The following ARHGEF28 variants were observed in gnomAD, a reference collection of about 807,000 sequenced individuals.
ARHGEF28 encodes Rho guanine nucleotide exchange factor 28, also known as 190 kDa guanine nucleotide exchange factor.
ARHGEF28 carries 152 observed loss-of-function variants against 206.6 expected under a neutral mutation model. That is an observed-to-expected ratio of 0.74 (90% CI 0.64 to 0.84). The LOEUF (loss-of-function observed/expected upper bound fraction) is 0.84. ARHGEF28 is among the 40% of genes least tolerant of loss of function. The pLI is 0.00. For synonymous variants in ARHGEF28, 763 were observed against 776.4 expected, an observed-to-expected ratio of 0.98 and a Z score of 0.29; for missense variants, 2,028 against 2,073.2, an observed-to-expected ratio of 0.98 and a Z score of 0.42.
At chr5:73,822,600 T>C (rs533880064) in intron 9 of ARHGEF28, among the ~76,000 whole-genome samples, 8 of 152,218 alleles carry the variant, frequency 5.3e-5, no homozygotes, top group Non-Finnish European at 7.4e-5. Context: ...GGCGAGGAGA[T>C]GAATGCTAGT....
chr5:73,753,259 C>T, intron 4 of ARHGEF28, 57 bp downstream of exon 4: 1 of 1,483,314 alleles, frequency 6.7e-7, no homozygotes, highest in Non-Finnish European at 9.0e-7. Flanking sequence ...TCAGAATGTA[C>T]CTTATGCTAT....
chr5:73,883,548 A>T (rs764709820), intron 23 of ARHGEF28, among the ~76,000 whole-genome samples: 11 of 152,222 alleles, frequency 7.2e-5, no homozygotes, highest in Non-Finnish European at 1.6e-4. Context: ...CAAATACATC[A>T]GTAACTTGAA....
intron 9 of ARHGEF28, among the ~76,000 whole-genome samples, chr5:73,814,171 T>C (rs1756033565): frequency 6.6e-6 from 1 of 152,198 alleles, no homozygotes; most frequent in Non-Finnish European, 1.5e-5. Flanking sequence ...TTATTGATTT[T>C]ATAGATGTTA....
intron 16 of ARHGEF28, among the ~76,000 whole-genome samples, chr5:73,861,005 T>C (rs1024989010): frequency 1.3e-5 from 2 of 152,260 alleles, no homozygotes; most frequent in African/African-American, 4.8e-5. Flanking sequence ...GTTTTTTACC[T>C]GCTCTTTGGA....
intron 9 of ARHGEF28, among the ~76,000 whole-genome samples, chr5:73,811,925 A>T (rs956220071): frequency 1.3e-4 from 19 of 150,948 alleles, no homozygotes; most frequent in Admixed American, 2.6e-4. Flanking sequence ...AGAGGTTGCA[A>T]TGAGCCGAGA....
chr5:73,929,697 T>C (rs1162678008), intron 35 of ARHGEF28, among the ~76,000 whole-genome samples: 2 of 152,212 alleles, frequency 1.3e-5, no homozygotes, highest in African/African-American at 4.8e-5. Flanking sequence ...TTTAGAGAAA[T>C]AAAATGTTAC....
intron 2 of ARHGEF28, among the ~76,000 whole-genome samples, chr5:73,725,321 G>A (rs757746366): frequency 5.9e-5 from 9 of 152,172 alleles, no homozygotes; most frequent in Non-Finnish European, 1.0e-4. Flanking sequence ...TCATATTTGC[G>A]TAGTCCTCTA....
intron 9 of ARHGEF28, among the ~76,000 whole-genome samples, chr5:73,805,408 A>G (rs1561416438): frequency 6.6e-6 from 1 of 152,164 alleles, no homozygotes; most frequent in Non-Finnish European, 1.5e-5. Flanking sequence ...TACCAAAGGG[A>G]ATTTTGGGTG....
At chr5:73,751,665 T>G (rs1752024086) in intron 3 of ARHGEF28, among the ~76,000 whole-genome samples, 1 of 152,148 alleles carries the variant, frequency 6.6e-6, no homozygotes, top group Non-Finnish European at 1.5e-5. Flanking sequence ...TCCTCCTTCC[T>G]TAGGAGGAAG....
intron 2 of ARHGEF28, among the ~76,000 whole-genome samples, chr5:73,744,320 T>C (rs1751604011): frequency 6.6e-6 from 1 of 152,072 alleles, no homozygotes; most frequent in Non-Finnish European, 1.5e-5. Context: ...ACTTGAGAAA[T>C]TGTGAAGAGG....
At position 73,846,399 on chromosome 5, in the gene ARHGEF28, T is replaced by C; in HGVS notation, c.1559T>C (p.Phe520Ser). The C allele has an allele frequency of 6.2e-7, 1 of 1,613,990 alleles. No individual in the cohort carries two copies. Among genetic ancestry groups the C allele is most frequent in the Non-Finnish European group, 8.5e-7 (1 of 1,179,860 alleles). ...GIPSGDELDS[F>S]ETNTEPDFNI... is the part of the protein sequence containing the mutation. ...CCTAGTGGGGATGAATTGGACTCTT[T>C]TGAGACTAACACTGAACCGGATTTT... The change falls in exon 12 of 36, where the codon TTT becomes TCT. Residue 520 changes from phenylalanine to serine, a missense_variant. Phe to Ser is a radical substitution (Grantham distance 155, BLOSUM62 -2). This residue lies in a region of ARHGEF28 where 1,002 missense variants were observed against 1,015.3 expected (regional missense o/e 0.99). Transcript: ENST00000513042.
At chr5:73,757,474 A>G (rs1752377905) in intron 4 of ARHGEF28, among the ~76,000 whole-genome samples, 1 of 152,214 alleles carries the variant, frequency 6.6e-6, no homozygotes. Flanking sequence ...CTGCTGTGAC[A>G]CATTACTGTA....
chr5:73,708,698 C>T (rs1219070390), intron 2 of ARHGEF28, among the ~76,000 whole-genome samples: 4 of 151,946 alleles, frequency 2.6e-5, no homozygotes, highest in African/African-American at 4.8e-5. Flanking sequence ...TTTGGTAGAC[C>T]AATTAATTTC....
intron 21 of ARHGEF28, among the ~76,000 whole-genome samples, chr5:73,871,442 A>G (rs1760098673): frequency 1.3e-5 from 2 of 152,130 alleles, no homozygotes. Context: ...TTGACAAAAT[A>G]TTAAAGCTAT....
intron 4 of ARHGEF28, 38 bp from the exon 5 acceptor site, chr5:73,773,817 T>A: frequency 6.7e-7 from 1 of 1,503,538 alleles, no homozygotes; most frequent in Non-Finnish European, 8.9e-7. Flanking sequence ...ACTTTGTAAA[T>A]GGAGGAACTA....
chr5:73,698,716 G>C (rs1300463861), intron 2 of ARHGEF28, among the ~76,000 whole-genome samples: 2 of 152,050 alleles, frequency 1.3e-5, no homozygotes, highest in Non-Finnish European at 2.9e-5. Context: ...TGTTGGATAA[G>C]AACATGCTGA....
chr5:73,714,086 T>C (rs1749425129), intron 2 of ARHGEF28, among the ~76,000 whole-genome samples: 1 of 152,222 alleles, frequency 6.6e-6, no homozygotes, highest in Non-Finnish European at 1.5e-5. Flanking sequence ...TTAACCGCCC[T>C]GTGTCTTGGT....
intron 17 of ARHGEF28, 26 bp downstream of exon 17, chr5:73,864,898 T>C (rs1281311879): frequency 3.7e-6 from 6 of 1,604,522 alleles, no homozygotes; most frequent in African/African-American, 1.3e-5. Flanking sequence ...TCTGTGAATA[T>C]ATATGTGGCA....
chr5:73,909,657 G>T lies in ARHGEF28; in HGVS notation c.4407G>T (p.Glu1469Asp). 1 of 1,545,854 alleles carries T rather than the reference G, an allele frequency of 6.5e-7. No individual in the cohort carries two copies. The change falls in exon 34 of 36, where the codon GAG becomes GAT. Residue 1469 changes from glutamate to aspartate, a missense_variant. By Grantham distance (45) the Glu-to-Asp change is conservative. This residue lies in a region of ARHGEF28 where 803 missense variants were observed against 768.0 expected (regional missense o/e 1.05). Coordinates refer to ENST00000513042, the MANE Select transcript of ARHGEF28 (RefSeq NM_001177693.2). ...AGCAGCGGGCGCAGGCGACCAGGGA[G>T]AGCTGGCTGCAGGAGCGGGAGCGGG... ...EQQQRAQATRESWLQEREREC... is the reference protein window; with the variant it reads ...EQQQRAQATRDSWLQEREREC...
Sources: allele counts gnomAD v4.1 joint callset (sites outside exome capture counted in the v4.1 genomes callset), GRCh38; gene constraint gnomAD v4.1.1; regional missense constraint gnomAD v4.1.1; transcripts MANE v1.5; gene names NCBI Gene and HGNC (gene_info 2026-07-23, HGNC 2026-07-21).